NTN4: variants seen among roughly 807,000 people sequenced by gnomAD.
The protein encoded by NTN4 is netrin-4.
A neutral mutation model predicts 73.6 loss-of-function variants in NTN4; 32 were observed. The ratio of observed to expected loss-of-function variants is 0.44; its 90% CI spans 0.33 to 0.58. NTN4 has a LOEUF of 0.58. Ranked by LOEUF, NTN4 falls within the 20% of genes least tolerant of loss-of-function variation. NTN4 has a pLI of 0.04. For missense variants in NTN4, 654 were observed against 798.3 expected (o/e 0.82, Z 2.18); for synonymous variants, 258 against 287.5 (o/e 0.90, Z 1.04).
chr12:95,738,240 T>C, intron 2 of NTN4, 96 bp from the exon 3 acceptor site: 1 of 1,150,508 alleles, frequency 8.7e-7, no homozygotes, highest in South Asian at 1.5e-5. Flanking sequence ...ATGCCTTATG[T>C]CATCTGTGAA....
At chr12:95,748,464 C>T (rs1458355887) in intron 2 of NTN4, among the ~76,000 whole-genome samples, 3 of 143,372 alleles carry the variant, frequency 2.1e-5, no homozygotes, top group African/African-American at 7.8e-5. Flanking sequence ...ATAGTAAAAC[C>T]TATTTTCTTT....
rs1020264034 is a variant in NTN4 at position 95,781,296 on chromosome 12, G to T, written c.585+5643C>A. Among the ~76,000 whole-genome samples the T allele has an allele frequency of 3.3e-5, 5 of 151,804 alleles. No individual in the cohort carries two copies. Among genetic ancestry groups the T allele is most frequent in the Non-Finnish European group, 1.5e-5 (1 of 67,970 alleles). ...GTGCACATGTACCCTAGAACTTAAAGTATAATAAAAAAATTTAAAAAACCA... is the reference window on the plus strand; with the variant it reads ...GTGCACATGTACCCTAGAACTTAAATTATAATAAAAAAATTTAAAAAACCA... On this transcript the variant is annotated intron_variant, in intron 2 of 9. Coordinates refer to ENST00000343702, the MANE Select transcript of NTN4 (RefSeq NM_021229.4). This position sits in a 1 kb window ranked among gnomAD's most constrained non-coding sequence, Gnocchi z 4.1.
rs952691765 is a variant in NTN4 at position 95,750,798 on chromosome 12, T to G, written c.586-12654A>C. Among the ~76,000 whole-genome samples, 5 of 152,278 alleles carry G rather than the reference T, an allele frequency of 3.3e-5. No homozygotes were observed. The East Asian group carries it at 9.7e-4, about 29-fold the overall frequency. Reference sequence around the variant, plus strand: ...CTCGCCAGGCCGAGCTAGGTCCCAATTCTTCCTCAGCCTCTGCTTCTCCAC... The same window carrying G: ...CTCGCCAGGCCGAGCTAGGTCCCAAGTCTTCCTCAGCCTCTGCTTCTCCAC... On this transcript the variant is annotated intron_variant, in intron 2 of 9. Transcript: ENST00000343702.
At chr12:95,709,520 T>TTC (rs1222779866) in intron 5 of NTN4, among the ~76,000 whole-genome samples, 35 of 148,508 alleles carry the variant, frequency 2.4e-4, no homozygotes, top group South Asian at 6.5e-4. Flanking sequence ...TTTCCTTCCT[T>TTC]TCTCTCTCTC....
At chr12:95,704,301 A>T (rs2078508126) in intron 5 of NTN4, among the ~76,000 whole-genome samples, 1 of 152,230 alleles carries the variant, frequency 6.6e-6, no homozygotes, top group South Asian at 2.1e-4. Flanking sequence ...ATGGAACCAC[A>T]TACTGAAATA....
chr12:95,672,801 T>C lies in NTN4; in HGVS notation c.1511-2655A>G, dbSNP rs1450599175. ...ACACTATTGCCAGCGCTCTGCCCTT[T>C]TGGAATAAAGAAATAGTTCCCCAGA... On this transcript the variant is annotated intron_variant, in intron 7 of 9. Coordinates refer to ENST00000343702, the MANE Select transcript of NTN4 (RefSeq NM_021229.4). The C allele has an allele frequency of 2.5e-5, 33 of 1,336,298 alleles. No homozygotes were observed. In the Admixed American group the frequency reaches 4.9e-4, roughly 20 times the overall value. The allele number at this position is 1,336,298 out of a possible 1,614,324, so 82.8% of individuals were successfully genotyped here.
intron 3 of NTN4, among the ~76,000 whole-genome samples, chr12:95,728,748 C>T (rs530164912): frequency 6.6e-5 from 10 of 152,276 alleles, no homozygotes; most frequent in African/African-American, 2.4e-4. Flanking sequence ...TCTGTGTCCC[C>T]ATCCAAATCT....
rs374009353 is a variant in NTN4 at position 95,780,952 on chromosome 12, T to C, written c.585+5987A>G. 3.9e-4 allele frequency among the ~76,000 whole-genome samples: 59 copies of C among 152,284 alleles called. No homozygotes were observed. The East Asian group carries it at 9.6e-3, about 25-fold the overall frequency. ...AAGAAAATGTGGCACATATACACCA[T>C]GGAATACTATGCAGCCATAAAAATT... On this transcript the variant is annotated intron_variant, in intron 2 of 9. Coordinates refer to ENST00000343702, the MANE Select transcript of NTN4 (RefSeq NM_021229.4).
At position 95,725,200 on chromosome 12, in the gene NTN4, T is replaced by C. The variant is rs117238306; in HGVS notation, c.865-11862A>G. Among the ~76,000 whole-genome samples the C allele has an allele frequency of 7.6e-3, 1,154 of 152,196 alleles. 16 individuals are homozygous for C. The highest frequency in any genetic ancestry group is 8.7e-3 in the Non-Finnish European group (594 of 67,978). On this transcript the variant is annotated intron_variant, in intron 3 of 9. Transcript: ENST00000343702. The stretch of plus-strand genomic sequence containing the variant: ...AAGCCATTTAAACTCTTAATACAAC[T>C]ATTAGGCAAGAACCTGGGAAACTGC...
intron 3 of NTN4, among the ~76,000 whole-genome samples, chr12:95,728,243 G>A (rs1323700291): frequency 6.6e-6 from 1 of 152,042 alleles, no homozygotes; most frequent in Non-Finnish European, 1.5e-5. Flanking sequence ...ATAAATATAG[G>A]CTTACTTCTT....
In NTN4 at chr12:95,790,140, C is replaced by T. The variant is rs2079197478; in HGVS notation, c.55+115G>A. 6 of 875,656 alleles carry T rather than the reference C, an allele frequency of 6.9e-6. No individual in the cohort carries two copies. The highest frequency in any genetic ancestry group is 1.0e-5 in the Non-Finnish European group (6 of 589,076). The allele number at this position is 875,656 out of a possible 1,614,324, so 54.2% of individuals were successfully genotyped here. On this transcript the variant is annotated intron_variant, in intron 1 of 9. Transcript: ENST00000343702. This position sits in a 1 kb window ranked among gnomAD's most constrained non-coding sequence, Gnocchi z 6.5. ...GGCGGAACATGGCCACTCATTTCAC[C>T]CTCGGGAGCAGCGCTCTGCGCTCGC...
At chr12:95,707,085 T>C (rs560277070) in intron 5 of NTN4, among the ~76,000 whole-genome samples, 101 of 152,364 alleles carry the variant, frequency 6.6e-4, no homozygotes, top group African/African-American at 2.3e-3. Flanking sequence ...TCAATATGAA[T>C]TGAGCTGCCT....
At chr12:95,676,712 AT>A (rs1256030214) in intron 7 of NTN4, among the ~76,000 whole-genome samples, 21 of 150,742 alleles carry the variant, frequency 1.4e-4, no homozygotes, top group Admixed American at 3.3e-4. Flanking sequence ...TAAAAAAAAA[AT>A]AAAGATAAGA....
chr12:95,772,748 G>T (rs2079066119), intron 2 of NTN4, among the ~76,000 whole-genome samples: 1 of 152,090 alleles, frequency 6.6e-6, no homozygotes, highest in Non-Finnish European at 1.5e-5. Flanking sequence ...AATGCTGTTG[G>T]CTCTATCAAC....
Position 95,790,360 on chromosome 12 carries a change from G to C in NTN4, c.-51C>G. On this transcript the variant is annotated 5_prime_UTR_variant, in exon 1 of 10. Transcript: ENST00000343702. The surrounding 1 kb of genome is among the most constrained non-coding windows in gnomAD (Gnocchi z 6.5). ...GGCCGGGCGGGTGCCGGAGGGAGCC[G>C]AGACCTCTGGGCTGCGGGATGAAGC... The C allele has an allele frequency of 6.8e-7, 1 of 1,462,548 alleles. No homozygotes were observed. Among genetic ancestry groups the C allele is most frequent in the Non-Finnish European group, 9.2e-7 (1 of 1,088,786 alleles). 90.6% of individuals were successfully genotyped at this position (1,462,548 alleles called of 1,614,324 possible). A position where few individuals can be genotyped will look rare whatever the true frequency, so the allele number is the denominator to read the frequency against.
chr12:95,717,470 C>G (rs1592682497), intron 3 of NTN4, among the ~76,000 whole-genome samples: 1 of 151,982 alleles, frequency 6.6e-6, no homozygotes, highest in Admixed American at 6.6e-5. Flanking sequence ...GCTAGCCCAG[C>G]AAATTTTTCT....
chr12:95,681,657 A>G (rs987498694), intron 7 of NTN4, among the ~76,000 whole-genome samples: 6 of 152,230 alleles, frequency 3.9e-5, no homozygotes, highest in Non-Finnish European at 7.3e-5. Context: ...AAGAGAATAG[A>G]GGCAAGATGA....
At chr12:95,709,735 G>A (rs914954395) in intron 5 of NTN4, among the ~76,000 whole-genome samples, 7 of 152,064 alleles carry the variant, frequency 4.6e-5, no homozygotes, top group African/African-American at 1.7e-4. Context: ...GTTTTGCCAT[G>A]TTGCCCAGGC....
chr12:95,790,875 G>C (rs1490994290), upstream of NTN4: 2 of 141,156 alleles, frequency 1.4e-5, no homozygotes, highest in Non-Finnish European at 3.1e-5. This position sits in a 1 kb window ranked among gnomAD's most constrained non-coding sequence, Gnocchi z 6.5. Flanking sequence ...CCCCGCGCTT[G>C]ACAGCCCGGG....
Sources: gnomAD v4.1 joint callset for allele counts (sites outside exome capture counted in the v4.1 genomes callset) on GRCh38, gnomAD v4.1.1 for gene constraint, Gnocchi (gnomAD v3.1) non-coding constraint, MANE v1.5 for transcripts, NCBI Gene and HGNC (gene_info 2026-07-23, HGNC 2026-07-21) for gene names.